Variants in MDC1 observed in about 807,000 individuals in gnomAD.
MDC1 encodes mediator of DNA damage checkpoint protein 1.
MDC1 carries 81 observed loss-of-function variants against 142.5 expected under a neutral mutation model. The observed-to-expected ratio is 0.57, with a 90% CI of 0.47 to 0.68. MDC1 has a LOEUF of 0.68. MDC1 is among the 30% of genes least tolerant of loss of function. MDC1 has a pLI of 0.00. For synonymous variants in MDC1, 797 were observed against 968.4 expected, an observed-to-expected ratio of 0.82 and a Z score of 3.29; for missense variants, 2,119 against 2,547.9, an observed-to-expected ratio of 0.83 and a Z score of 3.62.
intron 12 of MDC1, 38 bp from the exon 13 acceptor site, chr6:30,702,915 G>A (rs909287967): frequency 1.2e-6 from 2 of 1,612,124 alleles, no homozygotes; most frequent in Admixed American, 3.3e-5. Flanking sequence ...GCTCAGCCCA[G>A]CCCCTCAATC....
At position 30,713,540 on chromosome 6, in the gene MDC1, T is replaced by G. The variant is rs1389414084; in HGVS notation, c.587+108A>C. The stretch of plus-strand genomic sequence containing the variant: ...CAGCTGAGTGAATGAATATGTATGG[T>G]TCCCCAGCCCCAACTCTCATGATAA... On this transcript the variant is annotated intron_variant, in intron 4 of 14. Transcript: ENST00000376406. The surrounding 1 kb of genome is among the most constrained non-coding windows in gnomAD (Gnocchi z 4.9). 18 of 1,307,716 alleles carry G rather than the reference T, an allele frequency of 1.4e-5. No homozygotes were observed. The highest frequency in any genetic ancestry group is 1.7e-5 in the Non-Finnish European group (16 of 951,064). 81.0% of individuals were successfully genotyped at this position (1,307,716 alleles called of 1,614,324 possible).
At position 30,707,869 on chromosome 6, in the gene MDC1, G is replaced by A. The variant is rs1367679381; in HGVS notation, c.2710C>T (p.Gln904Ter). Residue 904 changes from glutamine (Q) to a stop codon, truncating the protein, a stop_gained, in exon 8 of 15, where the codon CAA becomes TAA. Transcript: ENST00000376406. LOFTEE classifies it high-confidence loss of function. ...IETSEEIQEK[Q>*]VQKQTLPSKA... ...CTTGGAAGGGTCTGCTTCTGTACTT[G>A]TTTCTCTTGTATTTCCTCAGATGTC... The A allele has an allele frequency of 6.2e-7, 1 of 1,613,080 alleles. No individual in the cohort carries two copies. The highest frequency in any genetic ancestry group is 8.5e-7 in the Non-Finnish European group (1 of 1,180,034).
rs758481782 is a variant in MDC1 at position 30,704,987 on chromosome 6, G to A, written c.4196C>T (p.Ser1399Phe). 6.2e-7 allele frequency: 1 copy of A among 1,608,904 alleles called. No individual in the cohort carries two copies. ...SRATRGRKNR[S>F]SGKTPETLVP... ...AAGTGTTTCAGGGGTCTTGCCAGAGGATCTATTTTTTCTTCCCCTAGTAGC... is the reference window on the plus strand; with the variant it reads ...AAGTGTTTCAGGGGTCTTGCCAGAGAATCTATTTTTTCTTCCCCTAGTAGC... Residue 1399 changes from serine to phenylalanine, a missense_variant, in exon 10 of 15, where the codon TCC becomes TTC. Ser to Phe is a radical substitution (Grantham distance 155, BLOSUM62 -2). Coordinates refer to ENST00000376406, the MANE Select transcript of MDC1 (RefSeq NM_014641.3).
At chr6:30,708,872 A>C (rs1352664835) in intron 7 of MDC1, among the ~76,000 whole-genome samples, 2 of 151,456 alleles carry the variant, frequency 1.3e-5, no homozygotes, top group East Asian at 1.9e-4. Flanking sequence ...AAAAAAAAAA[A>C]AAAACCCAAG....
At chr6:30,708,855 C>CAAAAAAAAAAAAAAAAAAA (rs59939040) in intron 7 of MDC1, among the ~76,000 whole-genome samples, 37 of 55,230 alleles carry the variant, frequency 6.7e-4, no homozygotes, top group Middle Eastern at 9.6e-3. Context: ...GACTCTGTCT[C>CAAAAAAAAAAAAAAAAAAA]AAAAAAAAAA....
Position 30,716,769 on chromosome 6 carries a change from A to G in MDC1, c.-4+476T>C, listed in dbSNP as rs1775722077. On this transcript the variant is annotated intron_variant, in intron 1 of 14. Coordinates refer to ENST00000376406, the MANE Select transcript of MDC1 (RefSeq NM_014641.3). The surrounding 1 kb of genome is among the most constrained non-coding windows in gnomAD (Gnocchi z 4.4). Reference sequence around the variant, plus strand: ...GGTATACCTGTTTGAAGTATTTGGTATACATCTGTGAACCAAACATGAAAT... The same window carrying G: ...GGTATACCTGTTTGAAGTATTTGGTGTACATCTGTGAACCAAACATGAAAT... The G allele has an allele frequency of 3.8e-6, 1 of 259,948 alleles. No homozygotes were observed. The highest frequency in any genetic ancestry group is 6.0e-6 in the Non-Finnish European group (1 of 166,682). The allele number at this position is 259,948 out of a possible 1,614,324, so 16.1% of individuals were successfully genotyped here. A position where few individuals can be genotyped will look rare whatever the true frequency, so the allele number is the denominator to read the frequency against.
At chr6:30,701,406 A>AAAAAG (rs61192927) in intron 14 of MDC1, among the ~76,000 whole-genome samples, 2,864 of 152,236 alleles carry the variant, frequency 0.019, 39 homozygotes, top group South Asian at 0.063. Context: ...TCAAAAAAAA[A>AAAAAG]AAATACTTTT....
chr6:30,702,607 C>T lies in MDC1; in HGVS notation c.6048G>A (p.Glu2016=). ...GVQPPPPQMG[E]IISCCGGTYL... ...ATGTGCCTCCACAGCAGCTAATAAT[C>T]TCTCCCATCTGAGGTGGTGGTGGCT... Residue 2016 remains glutamate, a synonymous_variant, in exon 14 of 15, where the codon GAG becomes GAA. Transcript: ENST00000376406. 1 of 1,611,314 alleles carries T rather than the reference C, an allele frequency of 6.2e-7. No homozygotes were observed. Among genetic ancestry groups the T allele is most frequent in the Non-Finnish European group, 8.5e-7 (1 of 1,179,184 alleles).
At chr6:30,707,347 G>A in intron 9 of MDC1, 37 bp downstream of exon 9, 1 of 1,584,432 alleles carries the variant, frequency 6.3e-7, no homozygotes, top group South Asian at 1.1e-5. Context: ...ATATAGAGAT[G>A]ACTTGTGGAA....
Position 30,709,355 on chromosome 6 carries a change from T to C in MDC1, c.2222-998A>G, listed in dbSNP as rs1774463553. Among the ~76,000 whole-genome samples, 1 of 152,262 alleles carries C rather than the reference T, an allele frequency of 6.6e-6. No homozygotes were observed. Among genetic ancestry groups the C allele is most frequent in the East Asian group, 1.9e-4 (1 of 5,208 alleles). On this transcript the variant is annotated intron_variant, in intron 7 of 14. Transcript: ENST00000376406. This position sits in a 1 kb window ranked among gnomAD's most constrained non-coding sequence, Gnocchi z 4.2. ...TTTTAAAGGCTGAATAGTATTCCAC[T>C]GTGTATATATACCACATTTTCTTTT...
At chr6:30,711,604 G>A in intron 6 of MDC1, 63 bp downstream of exon 6, 2 of 1,601,780 alleles carry the variant, frequency 1.2e-6, no homozygotes, top group Non-Finnish European at 8.5e-7. Context: ...ACCCTTCAAG[G>A]ACCACCAGTC....
In MDC1 at chr6:30,708,230, C is replaced by T; in HGVS notation, c.2349G>A (p.Arg783=). 6.2e-7 allele frequency: 1 copy of T among 1,613,054 alleles called. No homozygotes were observed. The highest frequency in any genetic ancestry group is 8.5e-7 in the Non-Finnish European group (1 of 1,180,018). ...CTGGATGTTGGTCTCCTGGTATTGC[C>T]CTAGGTGGAGACAGGCAAGGTCCAT... The part of the protein sequence containing the change: ...EAYGPCLSPP[R]AIPGDQHPES... Residue 783 remains arginine, a synonymous_variant, in exon 8 of 15, where the codon AGG becomes AGA. Transcript: ENST00000376406.
In MDC1 at chr6:30,705,686, G is replaced by A. The variant is rs1773670518; in HGVS notation, c.3497C>T (p.Pro1166Leu). The A allele has an allele frequency of 6.2e-7, 1 of 1,612,062 alleles. No individual in the cohort carries two copies. The highest frequency in any genetic ancestry group is 1.3e-5 in the African/African-American group (1 of 74,648). Residue 1166 changes from proline to leucine, a missense_variant, in exon 10 of 15, where the codon CCT becomes CTT. Coordinates refer to ENST00000376406, the MANE Select transcript of MDC1 (RefSeq NM_014641.3). The stretch of plus-strand genomic sequence containing the variant: ...TGTGGAGGTGGAAGGCTGGAGCTCA[G>A]GGGCTGTGGGGACAACTGGTTCAGG... ...KTPEPVVPTA[P>L]ELQPSTSTDQ... is the part of the protein sequence containing the mutation.
chr6:30,712,196 C>A lies in MDC1; in HGVS notation c.1746G>T (p.Glu582Asp). The change falls in exon 5 of 15, where the codon GAG (glutamate) becomes GAT (aspartate). Residue 582 changes from glutamate (E) to aspartate (D), a missense_variant. Physicochemically the swap from Glu to Asp is conservative, Grantham distance 45. Coordinates refer to ENST00000376406, the MANE Select transcript of MDC1 (RefSeq NM_014641.3). The surrounding 1 kb of genome is among the most constrained non-coding windows in gnomAD (Gnocchi z 4.7). The stretch of plus-strand genomic sequence containing the variant: ...CTGAGGCTGTTAGGGAGGTGCCCTC[C>A]TCTGCATCTGTTTCACAGTCCCCAT... ...PLHGDCETDA[E>D]EGTSLTASVV... The A allele has an allele frequency of 6.2e-7, 1 of 1,612,920 alleles. No individual in the cohort carries two copies. The highest frequency in any genetic ancestry group is 8.5e-7 in the Non-Finnish European group (1 of 1,179,990).
Position 30,717,234 on chromosome 6 carries a change from C to T in MDC1, c.-4+11G>A, listed in dbSNP as rs1775767289. 1.3e-5 allele frequency: 2 copies of T among 152,202 alleles called. No individual in the cohort carries two copies. Among genetic ancestry groups the T allele is most frequent in the African/African-American group, 4.8e-5 (2 of 41,452 alleles). 9.4% of individuals were successfully genotyped at this position (152,202 alleles called of 1,614,324 possible). A position where few individuals can be genotyped will look rare whatever the true frequency, so the allele number is the denominator to read the frequency against. ...TCCCGGGGAGCCGTGGGCCAGGCCC[C>T]TAGAACTCACCTACTTTAAGTCCCC... On this transcript the variant is annotated intron_variant, in intron 1 of 14. Transcript: ENST00000376406.
At position 30,705,651 on chromosome 6, in the gene MDC1, C is replaced by T. The variant is rs1773662740; in HGVS notation, c.3532G>A (p.Val1178Ile). 1.9e-6 allele frequency: 3 copies of T among 1,609,096 alleles called. No homozygotes were observed. The highest frequency in any genetic ancestry group is 1.3e-5 in the African/African-American group (1 of 74,190). The stretch of plus-strand genomic sequence containing the variant: ...ACCTGAGATGTGGGCTCAGAGGTGA[C>T]AGGCTGGTCTGTGGAGGTGGAAGGC... Reference protein sequence around the residue: ...LQPSTSTDQPVTSEPTSQVTR... With the variant: ...LQPSTSTDQPITSEPTSQVTR... Residue 1178 changes from valine (V) to isoleucine (I), a missense_variant, in exon 10 of 15, where the codon GTC becomes ATC. Transcript: ENST00000376406.
chr6:30,712,737 C>T lies in MDC1; in HGVS notation c.1205G>A (p.Ser402Asn). ...EKSQASMVIN[S>N]DTDDEEEVSA... ...GACTTCTTCCTCGTCATCTGTATCG[C>T]TGTTGATAACCATGGAAGCTTGGCT... Residue 402 changes from serine (S) to asparagine (N), a missense_variant, in exon 5 of 15, where the codon AGC becomes AAC. Ser to Asn is a conservative substitution (Grantham distance 46). Coordinates refer to ENST00000376406, the MANE Select transcript of MDC1 (RefSeq NM_014641.3). The surrounding 1 kb of genome is among the most constrained non-coding windows in gnomAD (Gnocchi z 4.7). 1 of 1,613,106 alleles carries T rather than the reference C, an allele frequency of 6.2e-7. No homozygotes were observed. The highest frequency in any genetic ancestry group is 8.5e-7 in the Non-Finnish European group (1 of 1,180,038).
Position 30,705,261 on chromosome 6 carries a change from G to C in MDC1, c.3922C>G (p.Arg1308Gly), listed in dbSNP as rs745572919. 1 of 1,602,952 alleles carries C rather than the reference G, an allele frequency of 6.2e-7. No individual in the cohort carries two copies. The highest frequency in any genetic ancestry group is 1.7e-5 in the Admixed American group (1 of 57,872). Reference sequence around the variant, plus strand: ...ATATTTGTCCTGCTCCTAGTGGTCCGAGATGTGGGCTTGGGGGTGACAGGT... The same window carrying C: ...ATATTTGTCCTGCTCCTAGTGGTCCCAGATGTGGGCTTGGGGGTGACAGGT... ...DRPVTPKPTS[R>G]TTRSRTNMSS... The change falls in exon 10 of 15, where the codon CGG (arginine) becomes GGG (glycine). Residue 1308 changes from arginine to glycine, a missense_variant. Arg to Gly is a moderately radical substitution (Grantham distance 125). Transcript: ENST00000376406.
rs1004306633 is a variant in MDC1 at position 30,715,413 on chromosome 6, C to G, written c.-3-235G>C. ...ATGCAGTGGTAAGATCTTGGGCCCA[C>G]GGCAACCTCTGCCTCCCGGGTTTCA... is the stretch of plus-strand genomic sequence containing the variant. On this transcript the variant is annotated intron_variant, in intron 1 of 14. Transcript: ENST00000376406. The surrounding 1 kb of genome is among the most constrained non-coding windows in gnomAD (Gnocchi z 4.1). Among the ~76,000 whole-genome samples the G allele has an allele frequency of 6.6e-6, 1 of 152,176 alleles. No homozygotes were observed. The highest frequency in any genetic ancestry group is 1.5e-5 in the Non-Finnish European group (1 of 68,036).
Sources: allele counts gnomAD v4.1 joint callset (sites outside exome capture counted in the v4.1 genomes callset), GRCh38; gene constraint gnomAD v4.1.1; non-coding constraint Gnocchi (gnomAD v3.1); transcripts MANE v1.5; gene names NCBI Gene and HGNC (gene_info 2026-07-23, HGNC 2026-07-21).